The following MPPED2 variants were observed in gnomAD, a reference collection of about 807,000 sequenced individuals.
The protein encoded by MPPED2 is metallophosphoesterase domain containing 2, also known as metallophosphoesterase MPPED2.
A neutral mutation model predicts 33.0 loss-of-function variants in MPPED2; 5 were observed. The ratio of observed to expected loss-of-function variants is 0.15; its 90% confidence interval spans 0.08 to 0.32. MPPED2 has a LOEUF of 0.32. Among genes scored for constraint, MPPED2 ranks in the 10% least tolerant of loss-of-function variants. The pLI is 1.00. For missense variants in MPPED2, 275 were observed against 372.1 expected (o/e 0.74, Z 2.15); for synonymous variants, 136 against 141.9 (o/e 0.96, Z 0.29).
At chr11:30,496,059 C>T (rs1258165557) in intron 3 of MPPED2, among the ~76,000 whole-genome samples, 2 of 152,130 alleles carry the variant, frequency 1.3e-5, no homozygotes, top group African/African-American at 2.4e-5. Context: ...TTTAAGTTTC[C>T]TTTTTGGGTT....
chr11:30,539,122 G>T (rs958726470), intron 2 of MPPED2, among the ~76,000 whole-genome samples: 3 of 152,050 alleles, frequency 2.0e-5, no homozygotes, highest in African/African-American at 7.2e-5. Context: ...CTCCCAAATT[G>T]GGCATTTGAT....
chr11:30,561,184 T>C (rs917278310), intron 2 of MPPED2, among the ~76,000 whole-genome samples: 1 of 152,186 alleles, frequency 6.6e-6, no homozygotes. Flanking sequence ...CATAGATATA[T>C]AATTTCTACA....
intron 4 of MPPED2, among the ~76,000 whole-genome samples, chr11:30,419,766 G>C (rs1428516633): frequency 6.6e-6 from 1 of 152,082 alleles, no homozygotes; most frequent in Non-Finnish European, 1.5e-5. Flanking sequence ...AGACTTATAT[G>C]AGCCTGGAAT....
At chr11:30,536,532 T>G (rs1954822221) in intron 2 of MPPED2, among the ~76,000 whole-genome samples, 1 of 152,226 alleles carries the variant, frequency 6.6e-6, no homozygotes. Flanking sequence ...TCTCTCATCA[T>G]GCTCCAATTG....
At chr11:30,509,775 GAGTCC>G (rs1252657532) in intron 3 of MPPED2, among the ~76,000 whole-genome samples, 1 of 152,130 alleles carries the variant, frequency 6.6e-6, no homozygotes, top group Non-Finnish European at 1.5e-5. Context: ...CAACCTAGCA[GAGTCC>G]TCAGAGATTT....
At chr11:30,454,725 A>G (rs1950208378) in intron 4 of MPPED2, among the ~76,000 whole-genome samples, 1 of 152,156 alleles carries the variant, frequency 6.6e-6, no homozygotes, top group African/African-American at 2.4e-5. Flanking sequence ...TAGAGCTGAA[A>G]TCCTGCTTGC....
At chr11:30,464,469 A>G (rs1950629279) in intron 4 of MPPED2, among the ~76,000 whole-genome samples, 1 of 152,102 alleles carries the variant, frequency 6.6e-6, no homozygotes, top group Non-Finnish European at 1.5e-5. Context: ...TCACTTTGCC[A>G]TGGTAATGTC....
intron 4 of MPPED2, among the ~76,000 whole-genome samples, chr11:30,445,193 G>A (rs1949749616): frequency 1.1e-5 from 1 of 93,284 alleles, no homozygotes; most frequent in Non-Finnish European, 2.0e-5. Context: ...TCCACTAGGA[G>A]ACTCCCCGGG....
chr11:30,546,911 C>G (rs1475811536), intron 2 of MPPED2, among the ~76,000 whole-genome samples: 1 of 152,200 alleles, frequency 6.6e-6, no homozygotes, highest in Non-Finnish European at 1.5e-5. Context: ...TACCCTACCT[C>G]TTTATCCCTT....
chr11:30,434,851 A>AT (rs55740612), intron 4 of MPPED2, among the ~76,000 whole-genome samples: 34 of 149,922 alleles, frequency 2.3e-4, no homozygotes, highest in East Asian at 9.8e-4. Flanking sequence ...TAAAGTGCTA[A>AT]TTTTTTTTTT....
intron 2 of MPPED2, among the ~76,000 whole-genome samples, chr11:30,549,190 C>G (rs1030484891): frequency 6.6e-6 from 1 of 152,178 alleles, no homozygotes; most frequent in Non-Finnish European, 1.5e-5. Flanking sequence ...ACACACAAAG[C>G]CAATTACATC....
chr11:30,520,876 C>G (rs1953835886), intron 3 of MPPED2, among the ~76,000 whole-genome samples: 1 of 152,162 alleles, frequency 6.6e-6, no homozygotes, highest in Non-Finnish European at 1.5e-5. Flanking sequence ...TGGGAGCTAT[C>G]TGCCATTCAC....
At chr11:30,507,757 G>T (rs926325910) in intron 3 of MPPED2, among the ~76,000 whole-genome samples, 12 of 152,110 alleles carry the variant, frequency 7.9e-5, no homozygotes, top group African/African-American at 2.9e-4. Context: ...TTTGGATAAT[G>T]TTTTGGTTCC....
intron 3 of MPPED2, among the ~76,000 whole-genome samples, chr11:30,519,351 T>C (rs1590686113): frequency 1.3e-5 from 2 of 151,988 alleles, no homozygotes; most frequent in South Asian, 2.1e-4. Flanking sequence ...AATATGTATG[T>C]GCATATATAT....
intron 6 of MPPED2, among the ~76,000 whole-genome samples, chr11:30,389,380 T>C (rs570529395): frequency 1.3e-5 from 2 of 152,290 alleles, no homozygotes; most frequent in East Asian, 3.9e-4. Flanking sequence ...CCAACCCTTA[T>C]ATTTGAAAAT....
At chr11:30,498,186 ATT>A (rs1353293721) in intron 3 of MPPED2, among the ~76,000 whole-genome samples, 8 of 151,914 alleles carry the variant, frequency 5.3e-5, no homozygotes. Flanking sequence ...GCCTTTTTCC[ATT>A]TTATTCAGAT....
intron 4 of MPPED2, among the ~76,000 whole-genome samples, chr11:30,430,770 G>A (rs1277997036): frequency 6.6e-6 from 1 of 152,214 alleles, no homozygotes; most frequent in Non-Finnish European, 1.5e-5. Flanking sequence ...TTATGCAAAT[G>A]TTAATTCTGA....
chr11:30,532,900 A>T (rs1041843293), intron 3 of MPPED2, among the ~76,000 whole-genome samples: 2 of 152,174 alleles, frequency 1.3e-5, no homozygotes, highest in African/African-American at 4.8e-5. Context: ...CCAACAAAGA[A>T]CTCATGATGG....
chr11:30,572,028 G>T (rs73463723), intron 2 of MPPED2, among the ~76,000 whole-genome samples: 13,431 of 152,166 alleles, frequency 0.088, 2,029 homozygotes, highest in African/African-American at 0.31. Context: ...ATGGCTCCTA[G>T]TTGCAGGATA....
Sources: allele counts gnomAD v4.1 joint callset (sites outside exome capture counted in the v4.1 genomes callset), GRCh38; gene constraint gnomAD v4.1.1; transcripts MANE v1.5; gene names NCBI Gene and HGNC (gene_info 2026-07-23, HGNC 2026-07-21).